NALF1: variants seen among roughly 807,000 people sequenced by gnomAD.
NALF1 encodes family with sequence similarity 155 member A.
NALF1 carries 3 observed loss-of-function variants against 48.4 expected under a neutral mutation model. The ratio of observed to expected loss-of-function variants is 0.06; its 90% CI spans 0.03 to 0.16. The LOEUF (loss-of-function observed/expected upper bound fraction) is 0.16. NALF1 is among the 10% of genes least tolerant of loss of function. NALF1 has a pLI of 1.00. For synonymous variants in NALF1, 262 were observed against 245.7 expected (o/e 1.07, Z -0.62); for missense variants, 526 against 571.5 (o/e 0.92, Z 0.81).
intron 1 of NALF1, among the ~76,000 whole-genome samples, chr13:107,628,534 C>T (rs1879746390): frequency 6.6e-6 from 1 of 152,086 alleles, no homozygotes; most frequent in Non-Finnish European, 1.5e-5. Context: ...AGATACTGTA[C>T]CCATTACTTC....
intron 1 of NALF1, among the ~76,000 whole-genome samples, chr13:107,346,941 T>C (rs982777338): frequency 7.2e-5 from 11 of 152,210 alleles, no homozygotes; most frequent in African/African-American, 2.7e-4. Flanking sequence ...CTCACAGTTT[T>C]ACCAATGGCC....
intron 1 of NALF1, among the ~76,000 whole-genome samples, chr13:107,702,175 T>C (rs530889714): frequency 4.6e-5 from 7 of 152,314 alleles, no homozygotes; most frequent in Admixed American, 2.0e-4. Context: ...AGATCTGATG[T>C]AAATTATGGT....
At chr13:107,414,283 T>G (rs1014366240) in intron 1 of NALF1, among the ~76,000 whole-genome samples, 2 of 151,764 alleles carry the variant, frequency 1.3e-5, no homozygotes, top group Admixed American at 6.6e-5. Context: ...TGGTAAAACA[T>G]CTGAAGTAAT....
intron 1 of NALF1, among the ~76,000 whole-genome samples, chr13:107,386,934 T>G (rs919026264): frequency 2.0e-5 from 3 of 152,160 alleles, no homozygotes; most frequent in Non-Finnish European, 4.4e-5. Context: ...CATCTAGCAG[T>G]TGGCATGCCA....
chr13:107,310,351 A>G lies in NALF1; in HGVS notation c.916-99596T>C, dbSNP rs558574184. Reference sequence around the variant, plus strand: ...CTTGAACTCGGCAAGCAGAGGTTACAGCGAGGCAAGATCATGCCACTGCAC... The same window carrying G: ...CTTGAACTCGGCAAGCAGAGGTTACGGCGAGGCAAGATCATGCCACTGCAC... On this transcript the variant is annotated intron_variant, in intron 1 of 2. Transcript: ENST00000375915. 4.6e-5 allele frequency among the ~76,000 whole-genome samples: 7 copies of G among 151,830 alleles called. No homozygotes were observed. In the East Asian group the frequency reaches 1.4e-3, roughly 30 times the overall value.
intron 1 of NALF1, among the ~76,000 whole-genome samples, chr13:107,821,318 G>C (rs1287495352): frequency 6.6e-6 from 1 of 152,110 alleles, no homozygotes; most frequent in Non-Finnish European, 1.5e-5. Context: ...CAGCGACTTA[G>C]CATCAGTAAT....
At chr13:107,678,670 C>T (rs946840429) in intron 1 of NALF1, among the ~76,000 whole-genome samples, 3 of 152,116 alleles carry the variant, frequency 2.0e-5, no homozygotes, top group African/African-American at 4.8e-5. Context: ...GGGGAGAACT[C>T]AGGAAACTCA....
intron 1 of NALF1, among the ~76,000 whole-genome samples, chr13:107,743,019 ATGTTTGGTGACTGCTGGACATGCTCAGTC>A (rs1397123942): frequency 6.6e-6 from 1 of 152,204 alleles, no homozygotes; most frequent in Non-Finnish European, 1.5e-5. Context: ...CTGCCTGAGC[ATGTTTGGTGACTGCTGGACATGCTCAGTC>A]TGTGCTGGCT....
intron 1 of NALF1, among the ~76,000 whole-genome samples, chr13:107,738,017 G>A (rs561390097): frequency 8.5e-5 from 13 of 152,202 alleles, no homozygotes; most frequent in African/African-American, 3.1e-4. Context: ...CAGTCAGTTT[G>A]ATACTAAGAC....
At chr13:107,621,981 T>C (rs1480109991) in intron 1 of NALF1, among the ~76,000 whole-genome samples, 1 of 141,898 alleles carries the variant, frequency 7.0e-6, no homozygotes, top group African/African-American at 2.5e-5. Flanking sequence ...ACATCTGGAA[T>C]ATGCCCACAA....
intron 1 of NALF1, among the ~76,000 whole-genome samples, chr13:107,717,897 T>C (rs1439838734): frequency 6.6e-6 from 1 of 152,150 alleles, no homozygotes; most frequent in Admixed American, 6.5e-5. Flanking sequence ...CTTCGCCAAG[T>C]AATTTTTAGC....
intron 1 of NALF1, among the ~76,000 whole-genome samples, chr13:107,815,390 C>T (rs899802245): frequency 6.9e-4 from 104 of 151,718 alleles, no homozygotes; most frequent in African/African-American, 2.2e-3. Context: ...ATACAAATGG[C>T]CAATAAATTC....
At chr13:107,243,019 G>A (rs944607252) in intron 1 of NALF1, among the ~76,000 whole-genome samples, 3 of 152,006 alleles carry the variant, frequency 2.0e-5, no homozygotes, top group African/African-American at 4.8e-5. Context: ...GCCCCAGTGC[G>A]ATTCATCTCC....
chr13:107,866,570 C>T lies in NALF1; in HGVS notation c.27G>A (p.Arg9=). MTRGAWMC[R]QYDDGLKIWL... is the part of the protein sequence containing the mutation. ...AGATTTTTAAGCCGTCGTCATACTG[C>T]CGACACATCCAAGCACCCCTGGTCA... The change falls in exon 1 of 3, where the codon CGG becomes CGA. Residue 9 remains arginine, a synonymous_variant. Transcript: ENST00000375915. The surrounding 1 kb of genome is among the most constrained non-coding windows in gnomAD (Gnocchi z 4.4). The T allele has an allele frequency of 6.2e-7, 1 of 1,610,388 alleles. No homozygotes were observed. Among genetic ancestry groups the T allele is most frequent in the Non-Finnish European group, 8.5e-7 (1 of 1,179,638 alleles).
intron 1 of NALF1, among the ~76,000 whole-genome samples, chr13:107,546,290 T>C (rs1338679574): frequency 1.3e-5 from 2 of 152,136 alleles, no homozygotes; most frequent in Non-Finnish European, 2.9e-5. Flanking sequence ...ACCTACTGCA[T>C]TTGTCCTCAA....
chr13:107,498,041 C>T (rs1875395702), intron 1 of NALF1, among the ~76,000 whole-genome samples: 1 of 125,134 alleles, frequency 8.0e-6, no homozygotes, highest in African/African-American at 3.5e-5. Flanking sequence ...TCAGATGAAG[C>T]TAATAACGTG....
At chr13:107,352,210 T>C (rs765495815) in intron 1 of NALF1, among the ~76,000 whole-genome samples, 10 of 152,054 alleles carry the variant, frequency 6.6e-5, no homozygotes, top group Admixed American at 2.6e-4. Context: ...GTAAGTTGTG[T>C]TTCATGGGAA....
intron 1 of NALF1, among the ~76,000 whole-genome samples, chr13:107,586,604 T>G (rs1256922010): frequency 1.4e-5 from 2 of 141,062 alleles, no homozygotes; most frequent in Non-Finnish European, 3.0e-5. Context: ...CTCAGAGATC[T>G]CTTGCCTACA....
At chr13:107,411,602 C>T (rs531999849) in intron 1 of NALF1, among the ~76,000 whole-genome samples, 10 of 152,244 alleles carry the variant, frequency 6.6e-5, no homozygotes, top group South Asian at 2.1e-4. Flanking sequence ...CCGTCATTGT[C>T]GTACTCTTCA....
Sources: gnomAD v4.1 joint callset for allele counts (sites outside exome capture counted in the v4.1 genomes callset) on GRCh38, gnomAD v4.1.1 for gene constraint, Gnocchi (gnomAD v3.1) non-coding constraint, MANE v1.5 for transcripts, NCBI Gene and HGNC (gene_info 2026-07-23, HGNC 2026-07-21) for gene names.